SERPINE3: variants seen among roughly 807,000 people sequenced by gnomAD.
SERPINE3 encodes the protein serpin E3.
Under a neutral mutation model 41.7 loss-of-function variants are expected in SERPINE3, and 43 were observed. The observed-to-expected ratio is 1.03, with a 90% CI of 0.81 to 1.33. SERPINE3 has a LOEUF of 1.33. SERPINE3 is among the 40% of genes most tolerant of loss of function. The pLI is 0.00. For synonymous variants in SERPINE3, 200 were observed against 192.2 expected, an observed-to-expected ratio of 1.04 and a Z score of -0.34; for missense variants, 440 against 491.7, an observed-to-expected ratio of 0.89 and a Z score of 0.99.
rs145574118 is a variant in SERPINE3 at position 51,351,675 on chromosome 13, C to A, written c.899+3264C>A. Among the ~76,000 whole-genome samples, 172 of 152,168 alleles carry A rather than the reference C, an allele frequency of 1.1e-3. 1 individual carries two copies. The highest frequency in any genetic ancestry group is 2.7e-3 in the East Asian group (14 of 5,192). On this transcript the variant is annotated intron_variant, in intron 6 of 9. Coordinates refer to ENST00000681248, the MANE Select transcript of SERPINE3 (RefSeq NM_001386375.1). ...TCTATGTTTTCTTTTGTTTCTTGCGCTTTCGATGCCATATTATATTGAATA... is the reference window on the plus strand; with the variant it reads ...TCTATGTTTTCTTTTGTTTCTTGCGATTTCGATGCCATATTATATTGAATA...
intron 6 of SERPINE3, among the ~76,000 whole-genome samples, chr13:51,349,320 C>A (rs1239242865): frequency 1.3e-5 from 2 of 152,248 alleles, no homozygotes; most frequent in East Asian, 3.9e-4. Context: ...AAGTTAAGGG[C>A]CAAGGTCTAA....
At chr13:51,348,745 C>T (rs372118051) in intron 6 of SERPINE3, 3 of 271,328 alleles carry the variant, frequency 1.1e-5, no homozygotes, top group East Asian at 7.2e-5. Context: ...AGGAAATGCT[C>T]GTGGTTCCCT....
rs138224511 is a variant in SERPINE3 at position 51,348,086 on chromosome 13, T to C, written c.701-127T>C. On this transcript the variant is annotated intron_variant, in intron 5 of 9. Transcript: ENST00000681248. Reference sequence around the variant, plus strand: ...CAGTCTTTGGCCTGAAACCGCCTCCTGAGGGTGAGGTGGATGCTCGGTTTT... The same window carrying C: ...CAGTCTTTGGCCTGAAACCGCCTCCCGAGGGTGAGGTGGATGCTCGGTTTT... 1.1e-3 allele frequency: 742 copies of C among 692,644 alleles called. 2 individuals carry two copies. The highest frequency in any genetic ancestry group is 2.3e-3 in the Middle Eastern group (6 of 2,612). The allele number at this position is 692,644 out of a possible 1,614,324, so 42.9% of individuals were successfully genotyped here. A position where few individuals can be genotyped will look rare whatever the true frequency, so the allele number is the denominator to read the frequency against.
chr13:51,341,473 TC>T, intron 3 of SERPINE3, 126 bp downstream of exon 3: 1 of 952,300 alleles, frequency 1.1e-6, no homozygotes, highest in Non-Finnish European at 1.6e-6. Flanking sequence ...ATACTCACAC[TC>T]ACTCTCTCCA....
In SERPINE3 at chr13:51,347,027, G is replaced by C. The variant is rs1490237878; in HGVS notation, c.493G>C (p.Gly165Arg). The C allele has an allele frequency of 1.9e-6, 3 of 1,574,662 alleles. No individual in the cohort carries two copies. The highest frequency in any genetic ancestry group is 1.7e-6 in the Non-Finnish European group (2 of 1,159,286). ...CCACCTTGCTTTCCTGCTTGCAGGT[G>C]GGGGCCCCAGTGAGGGCCCTGGTGG... Reference protein sequence around the residue: ...SEGASRETAGGGPSEGPGGWP... With the variant: ...SEGASRETAGRGPSEGPGGWP... The change falls in exon 5 of 10, where the codon GGG (glycine) becomes CGG (arginine). Residue 165 changes from glycine (G) to arginine (R), a missense_variant and splice_region_variant. Coordinates refer to ENST00000681248, the MANE Select transcript of SERPINE3 (RefSeq NM_001386375.1).
rs892574751 is a variant in SERPINE3 at position 51,355,095 on chromosome 13, G to A, written c.952G>A (p.Val318Ile). 11 of 1,552,616 alleles carry A rather than the reference G, an allele frequency of 7.1e-6. No homozygotes were observed. Among genetic ancestry groups the A allele is most frequent in the Non-Finnish European group, 9.6e-6 (11 of 1,145,650 alleles). Residue 318 changes from valine (V) to isoleucine (I), a missense_variant, in exon 7 of 10, where the codon GTC (valine) becomes ATC (isoleucine). Physicochemically the swap from Val to Ile is conservative, Grantham distance 29. Transcript: ENST00000681248. The part of the protein sequence containing the change: ...NLKSILNSWG[V>I]TDLFDPLKAN... ...AAAAAGCATTTTAAATTCTTGGGGA[G>A]TCACCGATCTTTTTGATCCACTCAA...
At chr13:51,361,450 C>A in intron 8 of SERPINE3, 86 bp downstream of exon 8, 1 of 843,476 alleles carries the variant, frequency 1.2e-6, no homozygotes, top group Non-Finnish European at 2.0e-6. Context: ...ACTTCTGAAT[C>A]TTTCCATAAC....
intron 9 of SERPINE3, chr13:51,362,316 A>G (rs1955595344): frequency 4.5e-6 from 1 of 224,674 alleles, no homozygotes; most frequent in Non-Finnish European, 8.5e-6. Flanking sequence ...CTAGTATTCT[A>G]ATGAATGCAC....
chr13:51,348,167 C>T, intron 5 of SERPINE3, 46 bp from the exon 6 acceptor site: 1 of 1,452,150 alleles, frequency 6.9e-7, no homozygotes. Flanking sequence ...GGTTCATTCT[C>T]CTGGCTCCTG....
intron 6 of SERPINE3, among the ~76,000 whole-genome samples, chr13:51,350,128 T>G (rs894631523): frequency 1.3e-5 from 2 of 152,116 alleles, no homozygotes; most frequent in African/African-American, 4.8e-5. Context: ...ATTTTTCGTT[T>G]AACAAGAGCA....
At chr13:51,358,035 A>C (rs1314974773) in intron 7 of SERPINE3, among the ~76,000 whole-genome samples, 3 of 152,242 alleles carry the variant, frequency 2.0e-5, no homozygotes, top group Non-Finnish European at 2.9e-5. Context: ...ATTGCAATAG[A>C]AAGAGGTGCA....
chr13:51,352,133 A>C (rs1484040020), intron 6 of SERPINE3, among the ~76,000 whole-genome samples: 1 of 152,136 alleles, frequency 6.6e-6, no homozygotes, highest in Non-Finnish European at 1.5e-5. Flanking sequence ...CAGCTTGTCA[A>C]TTTTTGCCAA....
intron 9 of SERPINE3, chr13:51,363,411 T>G (rs900852001): frequency 4.0e-5 from 6 of 151,852 alleles, no homozygotes; most frequent in Non-Finnish European, 2.9e-5. Context: ...TGGAAGAGTT[T>G]AGAAATGAGT....
At chr13:51,359,500 G>A (rs897338962) in intron 7 of SERPINE3, among the ~76,000 whole-genome samples, 8 of 152,084 alleles carry the variant, frequency 5.3e-5, no homozygotes, top group Non-Finnish European at 1.0e-4. Flanking sequence ...CTGATGGAGA[G>A]AAACTGTTTA....
intron 1 of SERPINE3, among the ~76,000 whole-genome samples, chr13:51,340,356 A>G (rs1023873254): frequency 6.6e-6 from 1 of 152,212 alleles, no homozygotes; most frequent in Non-Finnish European, 1.5e-5. Context: ...TGGGGTAGGA[A>G]CTATCTTTGT....
chr13:51,351,880 AT>A (rs1425109857), intron 6 of SERPINE3, among the ~76,000 whole-genome samples: 1 of 152,030 alleles, frequency 6.6e-6, no homozygotes, highest in African/African-American at 2.4e-5. Context: ...TCCCAATATC[AT>A]TTGTTAAAAT....
chr13:51,352,010 T>C (rs961625462), intron 6 of SERPINE3, among the ~76,000 whole-genome samples: 2 of 152,152 alleles, frequency 1.3e-5, no homozygotes, highest in East Asian at 3.8e-4. Flanking sequence ...ATTTGTATAT[T>C]TGCCAGTACC....
chr13:51,341,344 C>T lies in SERPINE3; in HGVS notation c.253C>T (p.His85Tyr), dbSNP rs768586822. 1 of 1,592,498 alleles carries T rather than the reference C, an allele frequency of 6.3e-7. No homozygotes were observed. Among genetic ancestry groups the T allele is most frequent in the Non-Finnish European group, 8.6e-7 (1 of 1,168,314 alleles). ...QLADALGYTV[H>Y]DKRVKDFLHA... ...GGCAGATGCCCTGGGGTACACTGTC[C>T]ATGGTAAGAGGCCTGCCCACGTGCA... Residue 85 changes from histidine to tyrosine, a missense_variant, in exon 3 of 10, where the codon CAT (histidine) becomes TAT (tyrosine). His to Tyr is a moderately conservative substitution (Grantham distance 83). Coordinates refer to ENST00000681248, the MANE Select transcript of SERPINE3 (RefSeq NM_001386375.1).
chr13:51,360,177 C>T (rs1228980438), intron 7 of SERPINE3, among the ~76,000 whole-genome samples: 1 of 152,002 alleles, frequency 6.6e-6, no homozygotes, highest in Non-Finnish European at 1.5e-5. Context: ...CCAATTTAAG[C>T]GTTAGTCTAA....
Sources: gnomAD v4.1 joint callset for allele counts (sites outside exome capture counted in the v4.1 genomes callset) on GRCh38, gnomAD v4.1.1 for gene constraint, MANE v1.5 for transcripts, NCBI Gene and HGNC (gene_info 2026-07-23, HGNC 2026-07-21) for gene names.